CDX1: variants seen among roughly 807,000 people sequenced by gnomAD.
CDX1 encodes the protein caudal type homeobox 1.
A neutral mutation model predicts 16.9 loss-of-function variants in CDX1; 9 were observed. That is an observed-to-expected ratio of 0.53 (90% CI 0.32 to 0.93). The LOEUF (loss-of-function observed/expected upper bound fraction) is 0.93. Ranked by LOEUF, CDX1 falls within the 40% of genes least tolerant of loss-of-function variation. CDX1 has a pLI of 0.04. For synonymous variants in CDX1, 179 were observed against 179.0 expected, an observed-to-expected ratio of 1.00 and a Z score of 0.00; for missense variants, 393 against 386.1, an observed-to-expected ratio of 1.02 and a Z score of -0.15.
chr5:150,167,087 G>A lies in CDX1; in HGVS notation c.211G>A (p.Asp71Asn). ...WGAPFPAPKDDWAAAYGPGPA... is the reference protein window; with the variant it reads ...WGAPFPAPKDNWAAAYGPGPA... Reference sequence around the variant, plus strand: ...GGCGCCCTTCCCTGCGCCCAAGGACGACTGGGCCGCCGCCTACGGCCCGGG... The same window carrying A: ...GGCGCCCTTCCCTGCGCCCAAGGACAACTGGGCCGCCGCCTACGGCCCGGG... Residue 71 changes from aspartate to asparagine, a missense_variant, in exon 1 of 3, where the codon GAC becomes AAC. By Grantham distance (23) the Asp-to-Asn change is conservative. Transcript: ENST00000231656. 1 of 1,386,498 alleles carries A rather than the reference G, an allele frequency of 7.2e-7. No individual in the cohort carries two copies. The highest frequency in any genetic ancestry group is 1.6e-5 in the South Asian group (1 of 61,342). 85.9% of individuals were successfully genotyped at this position (1,386,498 alleles called of 1,614,324 possible). A position where few individuals can be genotyped will look rare whatever the true frequency, so the allele number is the denominator to read the frequency against.
At chr5:150,178,335 A>G (rs1761595430) in intron 1 of CDX1, among the ~76,000 whole-genome samples, 1 of 152,330 alleles carries the variant, frequency 6.6e-6, no homozygotes, top group Admixed American at 6.5e-5. Context: ...TGAAGAGCTG[A>G]GGGGGCTCCC....
chr5:150,172,555 TAA>T (rs1256416686), intron 1 of CDX1, among the ~76,000 whole-genome samples: 3 of 151,902 alleles, frequency 2.0e-5, no homozygotes, highest in South Asian at 2.1e-4. Context: ...GTCTGTGAAA[TAA>T]AGACACACTC....
intron 1 of CDX1, among the ~76,000 whole-genome samples, chr5:150,180,757 G>A (rs1243648099): frequency 6.6e-6 from 1 of 152,108 alleles, no homozygotes; most frequent in African/African-American, 2.4e-5. Flanking sequence ...AAAGGAAACT[G>A]GTGCTTAGCC....
chr5:150,177,910 C>G (rs906172081), intron 1 of CDX1, among the ~76,000 whole-genome samples: 1 of 152,120 alleles, frequency 6.6e-6, no homozygotes, highest in African/African-American at 2.4e-5. Context: ...GGCTCCACAG[C>G]CCCTCTCCAG....
chr5:150,167,384 GC>G, intron 1 of CDX1, 63 bp downstream of exon 1: 1 of 1,141,566 alleles, frequency 8.8e-7, no homozygotes, highest in South Asian at 4.2e-5. Flanking sequence ...GGCCCAGGCC[GC>G]CCCCTGTCTG....
chr5:150,182,954 G>A, intron 2 of CDX1, 41 bp downstream of exon 2: 4 of 1,562,366 alleles, frequency 2.6e-6, no homozygotes, highest in Non-Finnish European at 2.6e-6. Context: ...AGCAGTGCGA[G>A]GACTCTGGTC....
rs1761598801 is a variant in CDX1, at chr5:150,178,532, C to G, written c.446-4236C>G. ...CTCCCCACCCCACTGCTCTCACACA[C>G]CTCCCTGCCCGCTCCTTCCCAGGCT... On this transcript the variant is annotated intron_variant, in intron 1 of 2. Coordinates refer to ENST00000231656, the MANE Select transcript of CDX1 (RefSeq NM_001804.3). 2.6e-5 allele frequency among the ~76,000 whole-genome samples: 4 copies of G among 152,338 alleles called. No individual in the cohort carries two copies. In the South Asian group the frequency reaches 8.3e-4, roughly 32 times the overall value.
Position 150,182,777 on chromosome 5 carries a change from G to C in CDX1, c.455G>C (p.Arg152Pro), listed in dbSNP as rs556449017. Reference sequence around the variant, plus strand: ...TCCTTCTGCTTCTCAGGTAAGACTCGGACCAAGGACAAGTACCGCGTGGTC... The same window carrying C: ...TCCTTCTGCTTCTCAGGTAAGACTCCGACCAAGGACAAGTACCGCGTGGTC... Reference protein sequence around the residue: ...AGGGGGSGKTRTKDKYRVVYT... With the variant: ...AGGGGGSGKTPTKDKYRVVYT... Residue 152 changes from arginine (R) to proline (P), a missense_variant, in exon 2 of 3, where the codon CGG (arginine) becomes CCG (proline). Physicochemically the swap from Arg to Pro is moderately radical, Grantham distance 103 (BLOSUM62 -2). Coordinates refer to ENST00000231656, the MANE Select transcript of CDX1 (RefSeq NM_001804.3). 4.4e-6 allele frequency: 7 copies of C among 1,580,640 alleles called. No homozygotes were observed. The highest frequency in any genetic ancestry group is 1.2e-5 in the South Asian group (1 of 85,956).
Position 150,167,588 on chromosome 5 carries a change from G to A in CDX1, c.445+267G>A, listed in dbSNP as rs545871240. Among the ~76,000 whole-genome samples, 3 of 152,338 alleles carry A rather than the reference G, an allele frequency of 2.0e-5. No homozygotes were observed. In the East Asian group the frequency reaches 5.8e-4, roughly 29 times the overall value. On this transcript the variant is annotated intron_variant, in intron 1 of 2. Transcript: ENST00000231656. ...GAAGTGCGGAAATGCGCCTGCGGCC[G>A]CGGAGCAAGACCCGAACTAGAACGC... is the stretch of plus-strand genomic sequence containing the variant.
chr5:150,175,529 G>A (rs568703889), intron 1 of CDX1, among the ~76,000 whole-genome samples: 1 of 152,182 alleles, frequency 6.6e-6, no homozygotes, highest in Non-Finnish European at 1.5e-5. Flanking sequence ...CCTGGCCATT[G>A]TCCCCCTTTC....
intron 1 of CDX1, among the ~76,000 whole-genome samples, chr5:150,168,569 A>C (rs1761463604): frequency 6.6e-6 from 1 of 152,242 alleles, no homozygotes; most frequent in Non-Finnish European, 1.5e-5. Context: ...TGCATGCATT[A>C]ACTCCTTTAA....
At chr5:150,169,974 A>T (rs1026970027) in intron 1 of CDX1, among the ~76,000 whole-genome samples, 2 of 152,218 alleles carry the variant, frequency 1.3e-5, no homozygotes, top group African/African-American at 4.8e-5. Context: ...GTTTCCCATC[A>T]TATGTAGGAT....
At chr5:150,174,623 T>G (rs1262239128) in intron 1 of CDX1, among the ~76,000 whole-genome samples, 1 of 152,208 alleles carries the variant, frequency 6.6e-6, no homozygotes, top group Non-Finnish European at 1.5e-5. Context: ...ATACAGCTAG[T>G]GTGACTGAGA....
intron 1 of CDX1, among the ~76,000 whole-genome samples, chr5:150,171,799 T>C (rs1761511032): frequency 6.6e-6 from 1 of 152,238 alleles, no homozygotes; most frequent in African/African-American, 2.4e-5. Flanking sequence ...TGGGATTGCA[T>C]TTCCATAAGA....
chr5:150,183,736 G>T lies in CDX1; in HGVS notation c.*56G>T, dbSNP rs899309371. ...TGGGGACTCGGGTGCTGGGAGTGTG[G>T]CTCCTGTGGGCCCAGGAGGTCTGGT... is the stretch of plus-strand genomic sequence containing the variant. On this transcript the variant is annotated 3_prime_UTR_variant, in exon 3 of 3. Coordinates refer to ENST00000231656, the MANE Select transcript of CDX1 (RefSeq NM_001804.3). 1.3e-5 allele frequency: 18 copies of T among 1,374,910 alleles called. No homozygotes were observed. Among genetic ancestry groups the T allele is most frequent in the Non-Finnish European group, 1.7e-5 (18 of 1,031,094 alleles). 85.2% of individuals were successfully genotyped at this position (1,374,910 alleles called of 1,614,324 possible).
intron 1 of CDX1, among the ~76,000 whole-genome samples, chr5:150,177,621 T>C (rs1761585883): frequency 1.3e-5 from 2 of 152,140 alleles, no homozygotes; most frequent in Non-Finnish European, 2.9e-5. Flanking sequence ...ATCTGTAAAA[T>C]AGAGTGATAG....
Position 150,183,852 on chromosome 5 carries a change from T to G in CDX1, c.*172T>G. ...TGGCCCATCTGTGCAGTAAGCCTGT[T>G]GGATAAAGACCTTCCAGCTCCTGTG... On this transcript the variant is annotated 3_prime_UTR_variant, in exon 3 of 3. Transcript: ENST00000231656. The G allele has an allele frequency of 4.2e-6, 2 of 475,394 alleles. No homozygotes were observed. Among genetic ancestry groups the G allele is most frequent in the Non-Finnish European group, 7.5e-6 (2 of 268,232 alleles). 29.4% of individuals were successfully genotyped at this position (475,394 alleles called of 1,614,324 possible). A position where few individuals can be genotyped will look rare whatever the true frequency, so the allele number is the denominator to read the frequency against.
rs1752513473 is a variant in CDX1 at position 150,184,020 on chromosome 5, G to A, written c.*340G>A. On this transcript the variant is annotated 3_prime_UTR_variant, in exon 3 of 3. Transcript: ENST00000231656. Reference sequence around the variant, plus strand: ...CCTCCATACGTTCAGAGGTGCAGCTGGAGGCTGCTGTGGGGACCACACTGA... The same window carrying A: ...CCTCCATACGTTCAGAGGTGCAGCTAGAGGCTGCTGTGGGGACCACACTGA... 4.5e-6 allele frequency: 1 copy of A among 220,790 alleles called. No homozygotes were observed. Among genetic ancestry groups the A allele is most frequent in the South Asian group, 1.8e-4 (1 of 5,508 alleles). The allele number at this position is 220,790 out of a possible 1,614,324, so 13.7% of individuals were successfully genotyped here. A position where few individuals can be genotyped will look rare whatever the true frequency, so the allele number is the denominator to read the frequency against.
chr5:150,180,707 C>T (rs556818162), intron 1 of CDX1, among the ~76,000 whole-genome samples: 58 of 152,104 alleles, frequency 3.8e-4, no homozygotes, highest in Admixed American at 7.9e-4. Context: ...GAAGTGCTTG[C>T]GTGCGCCTCC....
Sources: gnomAD v4.1 joint callset for allele counts (sites outside exome capture counted in the v4.1 genomes callset) on GRCh38, gnomAD v4.1.1 for gene constraint, MANE v1.5 for transcripts, NCBI Gene and HGNC (gene_info 2026-07-23, HGNC 2026-07-21) for gene names.